PCDHA8: variants seen among roughly 807,000 people sequenced by gnomAD.
The protein encoded by PCDHA8 is protocadherin alpha-8.
PCDHA8 carries 53 observed loss-of-function variants against 61.8 expected under a neutral mutation model. The observed-to-expected ratio is 0.86, with a 90% CI of 0.69 to 1.08. The LOEUF is 1.08. Ranked by LOEUF, PCDHA8 falls within the 50% of genes least tolerant of loss-of-function variation. The pLI, the probability that PCDHA8 is intolerant of heterozygous loss-of-function variation, is 0.00. For synonymous variants in PCDHA8, 618 were observed against 556.6 expected (o/e 1.11, Z -1.55); for missense variants, 1,293 against 1,245.0 (o/e 1.04, Z -0.58).
chr5:141,006,383 T>C (rs1431976303), intron 3 of PCDHA8, among the ~76,000 whole-genome samples: 1 of 151,992 alleles, frequency 6.6e-6, no homozygotes, highest in African/African-American at 2.4e-5. Context: ...GGCTAAGTTT[T>C]TTCTATTTTT....
At chr5:140,905,704 T>C (rs960569704) in intron 1 of PCDHA8, among the ~76,000 whole-genome samples, 2 of 152,242 alleles carry the variant, frequency 1.3e-5, no homozygotes, top group African/African-American at 4.8e-5. Context: ...TCATTTATGA[T>C]TTCCTTCAGC....
At chr5:140,901,654 T>C (rs1274474554) in intron 1 of PCDHA8, among the ~76,000 whole-genome samples, 6 of 152,194 alleles carry the variant, frequency 3.9e-5, no homozygotes. Flanking sequence ...GTTTTGTTCT[T>C]TTTGCTCAAG....
chr5:140,966,694 C>T, intron 1 of PCDHA8: 1 of 1,358,670 alleles, frequency 7.4e-7, no homozygotes, highest in Non-Finnish European at 9.5e-7. Context: ...GAGGCGGGGC[C>T]CGGGCGTGGG....
At chr5:140,927,281 A>G (rs1554204297) in intron 1 of PCDHA8, 1 of 1,614,172 alleles carries the variant, frequency 6.2e-7, no homozygotes, top group Non-Finnish European at 8.5e-7. Flanking sequence ...GGCGACGTGC[A>G]GCTGCACATC....
chr5:140,936,435 TTAAA>T (rs1554210994), intron 1 of PCDHA8, among the ~76,000 whole-genome samples: 2 of 152,222 alleles, frequency 1.3e-5, no homozygotes, highest in African/African-American at 4.8e-5. Flanking sequence ...TAATTTAAGC[TTAAA>T]TAACCACATC....
intron 1 of PCDHA8, among the ~76,000 whole-genome samples, chr5:140,943,705 C>T (rs528361276): frequency 1.6e-4 from 25 of 152,150 alleles, no homozygotes; most frequent in Middle Eastern, 3.4e-3. Context: ...TATTGTGGAA[C>T]ACATTTAAAG....
At chr5:140,856,151 T>C (rs2043811735) in intron 1 of PCDHA8, 2 of 1,598,312 alleles carry the variant, frequency 1.3e-6, no homozygotes, top group Middle Eastern at 1.7e-4. Context: ...CTACTCAGTC[T>C]ACGAGGAGGC....
intron 1 of PCDHA8, among the ~76,000 whole-genome samples, chr5:140,891,044 C>G (rs1167178710): frequency 6.6e-6 from 1 of 152,030 alleles, no homozygotes; most frequent in Non-Finnish European, 1.5e-5. Flanking sequence ...GTGTGACCCC[C>G]ACAGCACATA....
chr5:140,846,369 CTTTCTTT>C (rs1320771612), intron 1 of PCDHA8, among the ~76,000 whole-genome samples: 4 of 102,192 alleles, frequency 3.9e-5, no homozygotes, highest in African/African-American at 3.8e-5. Flanking sequence ...TCTTTTCTTT[CTTTCTTT>C]TTTTTTTTTT....
chr5:140,861,534 A>G lies in PCDHA8; in HGVS notation c.2394+17819A>G, dbSNP rs1004709017. ...GCTGTGTGGGAGGATCTCGGAGTGCAGCATCCACCTGGAAGTGATCGTGGA... is the reference window on the plus strand; with the variant it reads ...GCTGTGTGGGAGGATCTCGGAGTGCGGCATCCACCTGGAAGTGATCGTGGA... On this transcript the variant is annotated intron_variant, in intron 1 of 3. Coordinates refer to ENST00000531613, the MANE Select transcript of PCDHA8 (RefSeq NM_018911.3). The G allele has an allele frequency of 4.9e-5, 22 of 448,754 alleles. No individual in the cohort carries two copies. The Middle Eastern group carries it at 3.2e-3, about 66-fold the overall frequency. The allele number at this position is 448,754 out of a possible 1,614,324, so 27.8% of individuals were successfully genotyped here.
intron 1 of PCDHA8, among the ~76,000 whole-genome samples, chr5:140,923,976 A>G (rs1257687753): frequency 6.6e-6 from 1 of 152,176 alleles, no homozygotes; most frequent in Non-Finnish European, 1.5e-5. Context: ...CACACATACT[A>G]TCCCTCTAGG....
intron 1 of PCDHA8, among the ~76,000 whole-genome samples, chr5:140,977,031 G>A (rs1554238180): frequency 6.6e-6 from 1 of 152,192 alleles, no homozygotes; most frequent in Admixed American, 6.5e-5. Context: ...ATGAATCTAA[G>A]AAGGATGTTG....
intron 1 of PCDHA8, chr5:140,869,657 A>G (rs2051312714): frequency 6.2e-7 from 1 of 1,613,452 alleles, no homozygotes; most frequent in South Asian, 1.1e-5. Flanking sequence ...TCACCAACAA[A>G]TGGTAAGCAG....
chr5:140,851,325 T>G (rs2042028843), intron 1 of PCDHA8: 3 of 984,014 alleles, frequency 3.0e-6, no homozygotes, highest in South Asian at 4.6e-5. Context: ...TTGTTAAGTT[T>G]GTAGTTCTCT....
At chr5:140,991,792 T>A (rs541458701) in intron 3 of PCDHA8, among the ~76,000 whole-genome samples, 4 of 152,282 alleles carry the variant, frequency 2.6e-5, no homozygotes, top group Non-Finnish European at 5.9e-5. Context: ...CATTTCCCAA[T>A]CTCAAGGCCA....
At chr5:140,851,299 T>C (rs2042017269) in intron 1 of PCDHA8, 2 of 1,019,562 alleles carry the variant, frequency 2.0e-6, no homozygotes, top group East Asian at 1.2e-4. Flanking sequence ...AGCAAAAATA[T>C]ATAGCAATTG....
chr5:140,938,793 A>G lies in PCDHA8; in HGVS notation c.2395-40156A>G, dbSNP rs543840345. 2.6e-5 allele frequency among the ~76,000 whole-genome samples: 4 copies of G among 152,268 alleles called. No individual in the cohort carries two copies. The East Asian group carries it at 7.7e-4, about 29-fold the overall frequency. On this transcript the variant is annotated intron_variant, in intron 1 of 3. Coordinates refer to ENST00000531613, the MANE Select transcript of PCDHA8 (RefSeq NM_018911.3). ...AGACTTAGTACCTGAATGATGAAAT[A>G]ATCGGTACCACAAACCCCTGTGACA...
chr5:140,841,497 T>G lies in PCDHA8; in HGVS notation c.176T>G (p.Leu59Arg). The G allele has an allele frequency of 3.7e-6, 6 of 1,613,288 alleles. No homozygotes were observed. Among genetic ancestry groups the G allele is most frequent in the Non-Finnish European group, 5.1e-6 (6 of 1,179,934 alleles). Reference sequence around the variant, plus strand: ...GACCTGGGGCTGGAGCTGGCGGAGCTGGTGCCGCGCCTGTTCCGGGTGGCG... The same window carrying G: ...GACCTGGGGCTGGAGCTGGCGGAGCGGGTGCCGCGCCTGTTCCGGGTGGCG... ...AQDLGLELAELVPRLFRVASK... is the reference protein window; with the variant it reads ...AQDLGLELAERVPRLFRVASK... The change falls in exon 1 of 4, where the codon CTG (leucine) becomes CGG (arginine). Residue 59 changes from leucine to arginine, a missense_variant. Physicochemically the swap from Leu to Arg is moderately radical, Grantham distance 102 (BLOSUM62 -2). Coordinates refer to ENST00000531613, the MANE Select transcript of PCDHA8 (RefSeq NM_018911.3).
chr5:140,893,050 A>T (rs967159859), intron 1 of PCDHA8, among the ~76,000 whole-genome samples: 1 of 152,248 alleles, frequency 6.6e-6, no homozygotes, highest in Non-Finnish European at 1.5e-5. Context: ...CTCCAGGCTC[A>T]GCCATACTGC....
Sources: allele counts gnomAD v4.1 joint callset (sites outside exome capture counted in the v4.1 genomes callset), GRCh38; gene constraint gnomAD v4.1.1; transcripts MANE v1.5; gene names NCBI Gene and HGNC (gene_info 2026-07-23, HGNC 2026-07-21).